The following NKAIN3 variants were observed in gnomAD, a reference collection of about 807,000 sequenced individuals.
The protein encoded by NKAIN3 is sodium/potassium-transporting ATPase subunit beta-1-interacting protein 3.
In NKAIN3, 25 loss-of-function variants were observed where a neutral mutation model predicts 30.2. The observed-to-expected ratio is 0.83, with a 90% CI of 0.60 to 1.16. The LOEUF (loss-of-function observed/expected upper bound fraction) is 1.16, where lower values mean the gene tolerates loss of function less well. Ranked by LOEUF, NKAIN3 falls within the 50% of genes most tolerant of loss-of-function variation. The probability of loss-of-function intolerance (pLI) is 0.00; values close to 1 mark genes in which losing one functional copy is unlikely to be tolerated. For missense variants in NKAIN3, 225 were observed against 254.1 expected (o/e 0.89, Z 0.78); for synonymous variants, 91 against 89.6 (o/e 1.02, Z -0.09).
chr8:62,313,825 G>A (rs1051719307), intron 1 of NKAIN3, among the ~76,000 whole-genome samples: 19 of 152,188 alleles, frequency 1.2e-4, no homozygotes, highest in African/African-American at 4.6e-4. Context: ...ATATATTTAT[G>A]ACCTGAATAT....
At chr8:62,674,647 T>C (rs1813416020) in intron 3 of NKAIN3, among the ~76,000 whole-genome samples, 1 of 152,136 alleles carries the variant, frequency 6.6e-6, no homozygotes, top group African/African-American at 2.4e-5. Flanking sequence ...TTGCTTAACA[T>C]GTGGAGGGGT....
intron 1 of NKAIN3, among the ~76,000 whole-genome samples, chr8:62,348,495 A>G (rs1021125240): frequency 2.0e-5 from 3 of 152,216 alleles, no homozygotes; most frequent in Non-Finnish European, 4.4e-5. Context: ...AACAACATTA[A>G]GGTAAAAACA....
At chr8:62,256,706 G>A (rs1194633704) in intron 1 of NKAIN3, among the ~76,000 whole-genome samples, 2 of 152,172 alleles carry the variant, frequency 1.3e-5, no homozygotes, top group Non-Finnish European at 2.9e-5. Context: ...AGTCCAGATA[G>A]AAGCCCCAGG....
intron 3 of NKAIN3, among the ~76,000 whole-genome samples, chr8:62,715,454 G>A (rs1814865004): frequency 6.6e-6 from 1 of 152,158 alleles, no homozygotes; most frequent in Non-Finnish European, 1.5e-5. Context: ...AAATGTAACT[G>A]AGAATGACAG....
intron 4 of NKAIN3, among the ~76,000 whole-genome samples, chr8:62,762,931 C>T (rs969897242): frequency 6.6e-5 from 10 of 151,598 alleles, no homozygotes; most frequent in African/African-American, 2.4e-4. Flanking sequence ...ATCTATCAAA[C>T]AACTTATATA....
intron 4 of NKAIN3, among the ~76,000 whole-genome samples, chr8:62,907,653 T>C (rs1480386843): frequency 6.6e-6 from 1 of 152,174 alleles, no homozygotes; most frequent in East Asian, 1.9e-4. Flanking sequence ...AATGTACAGC[T>C]CAGGCTGTTG....
intron 3 of NKAIN3, among the ~76,000 whole-genome samples, chr8:62,640,321 G>T (rs746268973): frequency 6.6e-6 from 1 of 152,028 alleles, no homozygotes; most frequent in African/African-American, 2.4e-5. Context: ...CATGAGATCT[G>T]ATGGTTTTAT....
intron 3 of NKAIN3, among the ~76,000 whole-genome samples, chr8:62,644,329 G>T (rs1270273399): frequency 6.6e-6 from 1 of 152,054 alleles, no homozygotes; most frequent in Non-Finnish European, 1.5e-5. Flanking sequence ...CCTGACTTCA[G>T]TGTACCATCT....
At chr8:62,750,815 G>A (rs1816256472) in intron 4 of NKAIN3, among the ~76,000 whole-genome samples, 1 of 152,106 alleles carries the variant, frequency 6.6e-6, no homozygotes, top group Non-Finnish European at 1.5e-5. Flanking sequence ...CTGGAGTGGA[G>A]AAGTCAAAGA....
intron 1 of NKAIN3, among the ~76,000 whole-genome samples, chr8:62,419,197 C>T (rs538154375): frequency 2.6e-4 from 40 of 152,270 alleles, no homozygotes; most frequent in Admixed American, 7.2e-4. Flanking sequence ...TAAGCTTATA[C>T]TTTAACTGAG....
At chr8:62,815,127 G>A (rs1468968733) in intron 4 of NKAIN3, among the ~76,000 whole-genome samples, 2 of 152,062 alleles carry the variant, frequency 1.3e-5, no homozygotes, top group Non-Finnish European at 2.9e-5. Context: ...TAGAAGAAAT[G>A]GATAAATTCC....
intron 1 of NKAIN3, among the ~76,000 whole-genome samples, chr8:62,314,110 C>T (rs1209815794): frequency 6.6e-6 from 1 of 151,986 alleles, no homozygotes; most frequent in Non-Finnish European, 1.5e-5. Flanking sequence ...AAGTTTCTTC[C>T]CAGGCACTCA....
intron 4 of NKAIN3, among the ~76,000 whole-genome samples, chr8:62,900,087 A>G (rs908705054): frequency 6.6e-6 from 1 of 151,998 alleles, no homozygotes; most frequent in Non-Finnish European, 1.5e-5. Context: ...TCTGATTTCT[A>G]TTGATTTGAA....
intron 1 of NKAIN3, among the ~76,000 whole-genome samples, chr8:62,271,124 T>G (rs952415965): frequency 3.9e-5 from 6 of 152,166 alleles, no homozygotes; most frequent in Admixed American, 2.6e-4. Flanking sequence ...AGAAATAATA[T>G]AGAGAGTCAA....
At position 62,482,117 on chromosome 8, in the gene NKAIN3, T is replaced by A. The variant is rs1042655913; in HGVS notation, c.55-97422T>A. 1.1e-4 allele frequency: 16 copies of A among 152,266 alleles called. No homozygotes were observed. In the East Asian group the frequency reaches 3.1e-3, roughly 29 times the overall value. 9.4% of individuals were successfully genotyped at this position (152,266 alleles called of 1,614,324 possible). ...AGATACTTTCCATTCCTACACATAG[T>A]CTGCCTTTCACTGTTGGTTATCGTT... On this transcript the variant is annotated intron_variant, in intron 1 of 6. Coordinates refer to ENST00000623646, the MANE Select transcript of NKAIN3 (RefSeq NM_001304533.3).
chr8:62,600,333 G>T (rs1810951855), intron 3 of NKAIN3, among the ~76,000 whole-genome samples: 2 of 151,994 alleles, frequency 1.3e-5, no homozygotes, highest in African/African-American at 4.8e-5. Context: ...CATGAGCTTT[G>T]ATCAGGGGCC....
At position 62,887,966 on chromosome 8, in the gene NKAIN3, C is replaced by T. The variant is rs866620441; in HGVS notation, c.472-30487C>T. 4.6e-5 allele frequency among the ~76,000 whole-genome samples: 7 copies of T among 152,082 alleles called. No individual in the cohort carries two copies. The South Asian group carries it at 1.5e-3, about 32-fold the overall frequency. ...TTGTAATTGTTTTCTGATAGCTGGA[C>T]GTAAGTGCAGAGCAGAAGGAAACAT... On this transcript the variant is annotated intron_variant, in intron 4 of 6. Transcript: ENST00000623646.
intron 4 of NKAIN3, among the ~76,000 whole-genome samples, chr8:62,777,808 T>C (rs972489341): frequency 2.7e-4 from 41 of 152,116 alleles, no homozygotes; most frequent in African/African-American, 9.4e-4. Context: ...GTAGTCTTCA[T>C]AGTTTGGGCT....
chr8:62,715,760 G>A (rs1814881089), intron 3 of NKAIN3, among the ~76,000 whole-genome samples: 1 of 152,172 alleles, frequency 6.6e-6, no homozygotes, highest in South Asian at 2.1e-4. Context: ...GTGGGAGTTG[G>A]ATTTCAAGCC....
Sources: allele counts gnomAD v4.1 joint callset (sites outside exome capture counted in the v4.1 genomes callset), GRCh38; gene constraint gnomAD v4.1.1; transcripts MANE v1.5; gene names NCBI Gene and HGNC (gene_info 2026-07-23, HGNC 2026-07-21).